The following LIN28B variants were observed in gnomAD, a reference collection of about 807,000 sequenced individuals.
The protein encoded by LIN28B is lin-28 RNA binding posttranscriptional regulator B, also known as protein lin-28 homolog B.
A neutral mutation model predicts 21.9 loss-of-function variants in LIN28B; 5 were observed. The ratio of observed to expected loss-of-function variants is 0.23; its 90% CI spans 0.12 to 0.48. LIN28B has a LOEUF of 0.48. Ranked by LOEUF, LIN28B falls within the 20% of genes least tolerant of loss-of-function variation. LIN28B has a pLI of 0.98. For synonymous variants in LIN28B, 109 were observed against 111.3 expected (o/e 0.98, Z 0.13); for missense variants, 245 against 310.5 (o/e 0.79, Z 1.58).
chr6:104,958,121 A>G lies in LIN28B; in HGVS notation c.33A>G (p.Gly11=). 2 of 1,598,108 alleles carry G rather than the reference A, an allele frequency of 1.3e-6. No individual in the cohort carries two copies. The highest frequency in any genetic ancestry group is 1.7e-6 in the Non-Finnish European group (2 of 1,169,364). Reference sequence around the variant, plus strand: ...CAGGCGGGGCTAGCAAAGGTGGTGGAGAAGAGCCCGGGAAGCTGCCGGAGC... The same window carrying G: ...CAGGCGGGGCTAGCAAAGGTGGTGGGGAAGAGCCCGGGAAGCTGCCGGAGC... The part of the protein sequence containing the change: MAEGGASKGG[G]EEPGKLPEPA... The change falls in exon 2 of 4, where the codon GGA becomes GGG. Residue 11 remains glycine, a synonymous_variant. Coordinates refer to ENST00000345080, the MANE Select transcript of LIN28B (RefSeq NM_001004317.4).
chr6:105,072,230 A>C (rs1772346136), intron 3 of LIN28B, among the ~76,000 whole-genome samples: 1 of 152,156 alleles, frequency 6.6e-6, no homozygotes, highest in Non-Finnish European at 1.5e-5. Context: ...AATTGCTTTC[A>C]ATTAAAATTC....
intron 2 of LIN28B, among the ~76,000 whole-genome samples, chr6:104,992,664 T>G (rs1043048583): frequency 1.3e-5 from 2 of 152,086 alleles, no homozygotes; most frequent in Non-Finnish European, 2.9e-5. Context: ...TGCCACCACA[T>G]CTGGATAATT....
intron 3 of LIN28B, among the ~76,000 whole-genome samples, chr6:105,076,945 C>T (rs539750020): frequency 2.6e-5 from 4 of 151,280 alleles, no homozygotes; most frequent in African/African-American, 9.7e-5. Flanking sequence ...AACATTATAA[C>T]CTGGCTGGGT....
chr6:104,941,871 C>T (rs752156224), intron 2 of LIN28B, among the ~76,000 whole-genome samples: 5 of 152,104 alleles, frequency 3.3e-5, no homozygotes, highest in Non-Finnish European at 7.3e-5. Context: ...AAAAATTGCA[C>T]GTTGGTAAAT....
rs745471808 is a variant in LIN28B, at chr6:105,078,799, T to C, written c.*16T>C. On this transcript the variant is annotated 3_prime_UTR_variant, in exon 4 of 4. Transcript: ENST00000345080. ...AAAGACATAACAGGTCTTCTTCATA[T>C]GTTCTTTCCTTTACCCGGTTGCAAA... 5 of 1,602,010 alleles carry C rather than the reference T, an allele frequency of 3.1e-6. No individual in the cohort carries two copies. Among genetic ancestry groups the C allele is most frequent in the Non-Finnish European group, 4.3e-6 (5 of 1,172,536 alleles).
chr6:104,986,807 T>G (rs541820277), intron 2 of LIN28B, among the ~76,000 whole-genome samples: 2 of 152,218 alleles, frequency 1.3e-5, no homozygotes, highest in African/African-American at 4.8e-5. Context: ...GTTTTACCTT[T>G]AGGTTCTGAA....
chr6:104,992,639 G>A (rs575125996), intron 2 of LIN28B, among the ~76,000 whole-genome samples: 123 of 152,014 alleles, frequency 8.1e-4, no homozygotes, highest in Non-Finnish European at 1.4e-3. Context: ...CTGAGTAGCT[G>A]GGATCACGGT....
intron 2 of LIN28B, among the ~76,000 whole-genome samples, chr6:104,984,260 T>A (rs1423527250): frequency 6.6e-6 from 1 of 152,180 alleles, no homozygotes; most frequent in Non-Finnish European, 1.5e-5. Flanking sequence ...TCCAGAGGAA[T>A]AATTGTGTGT....
At chr6:105,024,781 A>T (rs992266694) in intron 2 of LIN28B, among the ~76,000 whole-genome samples, 2 of 152,160 alleles carry the variant, frequency 1.3e-5, no homozygotes, top group South Asian at 4.1e-4. Flanking sequence ...TATTTATTCT[A>T]TGTAATAATT....
chr6:105,020,107 CTTTTTTTTTTTTT>C (rs1158938023), intron 2 of LIN28B, among the ~76,000 whole-genome samples: 2 of 87,610 alleles, frequency 2.3e-5, no homozygotes, highest in Admixed American at 1.3e-4. Context: ...TCCTGTTATT[CTTTTTTTTTTTTT>C]TTTTTTTTTT....
intron 2 of LIN28B, among the ~76,000 whole-genome samples, chr6:104,970,141 C>A (rs1769944604): frequency 6.6e-6 from 1 of 151,950 alleles, no homozygotes; most frequent in South Asian, 2.1e-4. Context: ...GAATTTTGTC[C>A]CTGAAGAATT....
intron 3 of LIN28B, among the ~76,000 whole-genome samples, chr6:105,052,436 G>A (rs1582920938): frequency 6.6e-6 from 1 of 152,258 alleles, no homozygotes; most frequent in South Asian, 2.1e-4. Flanking sequence ...GTCATGGTGG[G>A]AGAGCAAAGG....
chr6:105,034,184 C>T (rs573511524), intron 3 of LIN28B, among the ~76,000 whole-genome samples: 6 of 151,644 alleles, frequency 4.0e-5, no homozygotes, highest in East Asian at 1.9e-4. Context: ...TTTTAAATTC[C>T]GATTTTTTTA....
At chr6:105,033,770 T>C (rs1771470716) in intron 3 of LIN28B, among the ~76,000 whole-genome samples, 2 of 151,856 alleles carry the variant, frequency 1.3e-5, no homozygotes, top group African/African-American at 4.8e-5. Flanking sequence ...TACTTGGGAC[T>C]TTTTGTTCTC....
intron 3 of LIN28B, among the ~76,000 whole-genome samples, chr6:105,053,040 C>T (rs545514992): frequency 3.9e-4 from 59 of 152,184 alleles, no homozygotes; most frequent in African/African-American, 1.3e-3. Context: ...ACTGCTTTAG[C>T]TGCATTTCAC....
At chr6:105,076,169 T>C (rs1354651113) in intron 3 of LIN28B, among the ~76,000 whole-genome samples, 1 of 152,224 alleles carries the variant, frequency 6.6e-6, no homozygotes, top group Non-Finnish European at 1.5e-5. Context: ...TGCACTGTAA[T>C]ACTTTATTAA....
intron 3 of LIN28B, among the ~76,000 whole-genome samples, chr6:105,029,502 G>A (rs544579241): frequency 3.5e-4 from 53 of 152,226 alleles, no homozygotes; most frequent in Middle Eastern, 3.4e-3. Flanking sequence ...GGTAGGATAA[G>A]GCGAGATTTC....
intron 3 of LIN28B, among the ~76,000 whole-genome samples, chr6:105,050,608 CA>C (rs61464567): frequency 6.3e-5 from 3 of 47,604 alleles, no homozygotes; most frequent in East Asian, 5.6e-4. Flanking sequence ...GACTCCGTCT[CA>C]AAAAAAAAAA....
At chr6:105,045,284 G>GTTTTTTT (rs57205680) in intron 3 of LIN28B, among the ~76,000 whole-genome samples, 1 of 116,814 alleles carries the variant, frequency 8.6e-6, no homozygotes, top group Non-Finnish European at 1.8e-5. Context: ...ATGTCATTCT[G>GTTTTTTT]TTTTTTTTTT....
Sources: gnomAD v4.1 joint callset for allele counts (sites outside exome capture counted in the v4.1 genomes callset) on GRCh38, gnomAD v4.1.1 for gene constraint, MANE v1.5 for transcripts, NCBI Gene and HGNC (gene_info 2026-07-23, HGNC 2026-07-21) for gene names.